The following ADGRL2 variants were observed in gnomAD, a reference collection of about 807,000 sequenced individuals.
The protein encoded by ADGRL2 is calcium-independent alpha-latrotoxin receptor 2.
In ADGRL2, 44 loss-of-function variants were observed where a neutral mutation model predicts 157.4. The observed-to-expected ratio is 0.28, with a 90% CI of 0.22 to 0.36. The LOEUF is 0.36. ADGRL2 is among the 10% of genes least tolerant of loss of function. ADGRL2 has a pLI of 1.00. For synonymous variants in ADGRL2, 585 were observed against 624.7 expected, an observed-to-expected ratio of 0.94 and a Z score of 0.95; for missense variants, 1,510 against 1,768.9, an observed-to-expected ratio of 0.85 and a Z score of 2.63.
At chr1:81,411,684 A>G (rs1431667221) in intron 1 of ADGRL2, among the ~76,000 whole-genome samples, 1 of 152,088 alleles carries the variant, frequency 6.6e-6, no homozygotes. Context: ...CAAGGTCAGG[A>G]GATCGAGACC....
chr1:81,756,908 C>A (rs1463526019), intron 1 of ADGRL2, among the ~76,000 whole-genome samples: 1 of 152,146 alleles, frequency 6.6e-6, no homozygotes, highest in Non-Finnish European at 1.5e-5. Flanking sequence ...ACAACCATTT[C>A]AGAAATGCAG....
intron 2 of ADGRL2, among the ~76,000 whole-genome samples, chr1:81,787,052 C>T (rs12045865): frequency 0.45 from 67,743 of 151,804 alleles, 15,600 homozygotes; most frequent in East Asian, 0.72. Context: ...GATGGTTTTA[C>T]CAGGGGTTTC....
chr1:81,866,057 AC>A (rs1294569070), intron 2 of ADGRL2, among the ~76,000 whole-genome samples: 10 of 152,172 alleles, frequency 6.6e-5, no homozygotes, highest in African/African-American at 2.4e-4. Flanking sequence ...TTAAAATCGA[AC>A]CTTCCTTTCT....
chr1:81,883,905 A>AG (rs1382887688), intron 2 of ADGRL2, among the ~76,000 whole-genome samples: 1 of 152,180 alleles, frequency 6.6e-6, no homozygotes, highest in Non-Finnish European at 1.5e-5. Flanking sequence ...AGATATTAAG[A>AG]GAAAAAGTCC....
At chr1:81,841,435 C>T (rs1325895822) in intron 2 of ADGRL2, among the ~76,000 whole-genome samples, 2 of 151,918 alleles carry the variant, frequency 1.3e-5, no homozygotes, top group Non-Finnish European at 2.9e-5. Context: ...GAAAAAAAGG[C>T]AGATTTAGGG....
At position 81,373,332 on chromosome 1, in the gene ADGRL2, A is replaced by T. The variant is rs1318279926; in HGVS notation, c.-302+66823A>T. 3.9e-5 allele frequency among the ~76,000 whole-genome samples: 6 copies of T among 152,334 alleles called. No homozygotes were observed. The East Asian group carries it at 1.2e-3, about 29-fold the overall frequency. On this transcript the variant is annotated intron_variant, in intron 1 of 24. Transcript: ENST00000370721. ...GCAGGATGAGCCTGGGGGCAAAACC[A>T]TACTTACAGCTGAAAACCTGGACTG...
intron 2 of ADGRL2, among the ~76,000 whole-genome samples, chr1:81,849,947 G>A (rs1296026102): frequency 1.3e-5 from 2 of 151,854 alleles, no homozygotes; most frequent in African/African-American, 4.8e-5. Flanking sequence ...ACAGATCAGA[G>A]GCTCATTTAT....
intron 3 of ADGRL2, among the ~76,000 whole-genome samples, chr1:81,669,219 A>G (rs1283266056): frequency 1.3e-5 from 2 of 152,116 alleles, no homozygotes; most frequent in Non-Finnish European, 2.9e-5. Context: ...GTGAGTATCT[A>G]GTAAGTTCCT....
intron 2 of ADGRL2, among the ~76,000 whole-genome samples, chr1:81,839,435 A>G (rs1289745959): frequency 6.6e-6 from 1 of 151,880 alleles, no homozygotes; most frequent in Non-Finnish European, 1.5e-5. Context: ...ATTTGATTAC[A>G]TAAGTTCTTT....
chr1:81,708,413 T>C (rs1466307364), intron 1 of ADGRL2, among the ~76,000 whole-genome samples: 3 of 152,194 alleles, frequency 2.0e-5, no homozygotes, highest in Non-Finnish European at 4.4e-5. Context: ...ATTGTTTCCA[T>C]TATGCATATC....
At chr1:81,970,258 TG>T in intron 15 of ADGRL2, 55 bp from the exon 16 acceptor site, 1 of 1,123,014 alleles carries the variant, frequency 8.9e-7, no homozygotes, top group Non-Finnish European at 1.4e-6. Flanking sequence ...AATTTTGGAG[TG>T]GGCTATTTTT....
At chr1:81,546,130 A>G (rs2080012710) in intron 2 of ADGRL2, among the ~76,000 whole-genome samples, 1 of 152,194 alleles carries the variant, frequency 6.6e-6, no homozygotes, top group Non-Finnish European at 1.5e-5. Context: ...ACCTGCCCCT[A>G]GAATTGTGGG....
chr1:81,501,904 G>T (rs901836821), intron 2 of ADGRL2: 1 of 1,612,822 alleles, frequency 6.2e-7, no homozygotes, highest in African/African-American at 1.3e-5. Context: ...CCCAGTTCTT[G>T]TATGCCCAAA....
intron 1 of ADGRL2, among the ~76,000 whole-genome samples, chr1:81,343,606 G>C: frequency 6.6e-6 from 1 of 151,944 alleles, no homozygotes; most frequent in East Asian, 1.9e-4. Flanking sequence ...AAGATCAGTG[G>C]GCCAGCATAC....
At chr1:81,869,699 T>C (rs1309021710) in intron 2 of ADGRL2, among the ~76,000 whole-genome samples, 1 of 149,202 alleles carries the variant, frequency 6.7e-6, no homozygotes, top group Non-Finnish European at 1.5e-5. Flanking sequence ...GTTGATTAAA[T>C]GTATGTAAAA....
intron 2 of ADGRL2, among the ~76,000 whole-genome samples, chr1:81,570,738 A>C (rs186645095): frequency 6.6e-6 from 1 of 152,144 alleles, no homozygotes; most frequent in Non-Finnish European, 1.5e-5. Flanking sequence ...CTTACCTCAT[A>C]TTCAAATATA....
At chr1:81,546,988 T>G (rs2080033187) in intron 2 of ADGRL2, among the ~76,000 whole-genome samples, 1 of 152,084 alleles carries the variant, frequency 6.6e-6, no homozygotes, top group African/African-American at 2.4e-5. Flanking sequence ...AGGGCCCCAA[T>G]AGCCATCTCC....
At chr1:81,391,028 A>G (rs1217612683) in intron 1 of ADGRL2, among the ~76,000 whole-genome samples, 1 of 152,306 alleles carries the variant, frequency 6.6e-6, no homozygotes, top group Admixed American at 6.5e-5. Context: ...GAAGATCCTC[A>G]CACTAAAACC....
chr1:81,437,718 G>A (rs1179359023), intron 1 of ADGRL2, among the ~76,000 whole-genome samples: 1 of 152,160 alleles, frequency 6.6e-6, no homozygotes, highest in African/African-American at 2.4e-5. Context: ...AAGTAACACT[G>A]CCAAAGTCTG....
Sources: allele counts gnomAD v4.1 joint callset (sites outside exome capture counted in the v4.1 genomes callset), GRCh38; gene constraint gnomAD v4.1.1; transcripts MANE v1.5; gene names NCBI Gene and HGNC (gene_info 2026-07-23, HGNC 2026-07-21).